PTPRN2: variants seen among roughly 807,000 people sequenced by gnomAD.
PTPRN2 encodes protein tyrosine phosphatase receptor type N2.
PTPRN2 carries 74 observed loss-of-function variants against 118.8 expected under a neutral mutation model. The observed-to-expected ratio is 0.62, with a 90% CI of 0.52 to 0.76. The LOEUF (loss-of-function observed/expected upper bound fraction) is 0.76, where lower values mean the gene tolerates loss of function less well. Among genes scored for constraint, PTPRN2 ranks in the 30% least tolerant of loss-of-function variants. The pLI is 0.00. For synonymous variants in PTPRN2, 641 were observed against 608.0 expected (o/e 1.05, Z -0.80); for missense variants, 1,481 against 1,394.4 (o/e 1.06, Z -0.99).
intron 11 of PTPRN2, among the ~76,000 whole-genome samples, chr7:158,074,137 C>T (rs952085271): frequency 6.6e-6 from 1 of 152,218 alleles, no homozygotes; most frequent in East Asian, 1.9e-4. Flanking sequence ...AACTCAGCGA[C>T]GCCCACAGTG....
At position 157,981,687 on chromosome 7, in the gene PTPRN2, C is replaced by T. The variant is rs76406978; in HGVS notation, c.1724-82950G>A. On this transcript the variant is annotated intron_variant, in intron 11 of 22. Transcript: ENST00000389418. ...CAAAATTTTATTGGCTCATAACCTA[C>T]ATCTATTTCATAAAATAAGGTTTGA... Among the ~76,000 whole-genome samples the T allele has an allele frequency of 5.1e-4, 78 of 152,302 alleles. 1 individual carries two copies. Among genetic ancestry groups the T allele is most frequent in the African/African-American group, 1.8e-3 (75 of 41,558 alleles).
chr7:158,574,114 C>T lies in PTPRN2; in HGVS notation c.112+13444G>A, dbSNP rs1447141932. Reference sequence around the variant, plus strand: ...ACCAGAAAGATTAAAAATCATCGTTCGGACTTTCTCAATTATAGATTTATG... The same window carrying T: ...ACCAGAAAGATTAAAAATCATCGTTTGGACTTTCTCAATTATAGATTTATG... On this transcript the variant is annotated intron_variant, in intron 1 of 22. Transcript: ENST00000389418. The surrounding 1 kb of genome is among the most constrained non-coding windows in gnomAD (Gnocchi z 4.6). Among the ~76,000 whole-genome samples, 2 of 152,142 alleles carry T rather than the reference C, an allele frequency of 1.3e-5. No homozygotes were observed. Among genetic ancestry groups the T allele is most frequent in the African/African-American group, 4.8e-5 (2 of 41,428 alleles).
intron 3 of PTPRN2, among the ~76,000 whole-genome samples, chr7:158,290,843 T>A (rs1037164455): frequency 6.6e-6 from 1 of 152,230 alleles, no homozygotes; most frequent in African/African-American, 2.4e-5. Context: ...AGATAGATGT[T>A]CAAATTGTTG....
At chr7:157,946,852 C>A (rs770837532) in intron 11 of PTPRN2, among the ~76,000 whole-genome samples, 10 of 152,234 alleles carry the variant, frequency 6.6e-5, no homozygotes, top group Non-Finnish European at 1.2e-4. Context: ...CACAAACCAC[C>A]AGTGTGGACG....
At position 157,544,007 on chromosome 7, in the gene PTPRN2, CGGTGGAGAGAGACAGAGAGA is replaced by C. The variant is rs1798137488; in HGVS notation, c.2977-3242_2977-3223del. The stretch of plus-strand genomic sequence containing the variant: ...GAGAGAGGTGGAGAGAGATGGAGAG[CGGTGGAGAGAGACAGAGAGA>C]GGTGGAGAGAGACGGAGAGAGGTGG... On this transcript the variant is annotated intron_variant, in intron 22 of 22. Coordinates refer to ENST00000389418, the MANE Select transcript of PTPRN2 (RefSeq NM_002847.5). 3.7e-5 allele frequency among the ~76,000 whole-genome samples: 5 copies of C among 135,944 alleles called. No individual in the cohort carries two copies. The Admixed American group carries it at 3.8e-4, about 10-fold the overall frequency. 89.2% of individuals were successfully genotyped at this position (135,944 alleles called of 152,430 possible).
At chr7:158,382,656 G>A (rs1373125832) in intron 2 of PTPRN2, among the ~76,000 whole-genome samples, 1 of 152,110 alleles carries the variant, frequency 6.6e-6, no homozygotes, top group African/African-American at 2.4e-5. Context: ...TTTTACAGGA[G>A]TGCAAACCCC....
intron 10 of PTPRN2, among the ~76,000 whole-genome samples, chr7:158,108,505 C>T (rs973398443): frequency 1.3e-5 from 2 of 152,330 alleles, no homozygotes; most frequent in African/African-American, 4.8e-5. Flanking sequence ...CCCCAGCAGC[C>T]CTGGCATGTA....
intron 14 of PTPRN2, among the ~76,000 whole-genome samples, chr7:157,654,506 G>C (rs898085579): frequency 2.0e-5 from 3 of 152,228 alleles, no homozygotes; most frequent in Non-Finnish European, 2.9e-5. Context: ...CTTGGCCTGA[G>C]TGTGTTTCTC....
intron 2 of PTPRN2, among the ~76,000 whole-genome samples, chr7:158,410,137 TAAGAAA>T (rs1387000465): frequency 2.0e-5 from 3 of 152,016 alleles, no homozygotes; most frequent in Non-Finnish European, 4.4e-5. Context: ...TCCCTCCATT[TAAGAAA>T]AAGAAAAACA....
At chr7:158,262,567 ACATT>A (rs1439566646) in intron 3 of PTPRN2, among the ~76,000 whole-genome samples, 1 of 143,654 alleles carries the variant, frequency 7.0e-6, no homozygotes, top group Non-Finnish European at 1.5e-5. Flanking sequence ...CACTACACAC[ACATT>A]CACACACAGC....
Position 157,540,561 on chromosome 7 carries a change from T to C in PTPRN2, c.*153A>G, listed in dbSNP as rs1355098229. ...TTATTATTGTTTGATTAAACAAAAA[T>C]ACACTTTTAACTGCTAAACTGCGCT... On this transcript the variant is annotated 3_prime_UTR_variant, in exon 23 of 23. Coordinates refer to ENST00000389418, the MANE Select transcript of PTPRN2 (RefSeq NM_002847.5). 4 of 501,532 alleles carry C rather than the reference T, an allele frequency of 8.0e-6. No homozygotes were observed. Among genetic ancestry groups the C allele is most frequent in the Non-Finnish European group, 1.4e-5 (4 of 295,828 alleles). 31.1% of individuals were successfully genotyped at this position (501,532 alleles called of 1,614,324 possible). A position where few individuals can be genotyped will look rare whatever the true frequency, so the allele number is the denominator to read the frequency against.
intron 2 of PTPRN2, among the ~76,000 whole-genome samples, chr7:158,379,111 A>G (rs1381933494): frequency 2.6e-5 from 4 of 152,156 alleles, no homozygotes; most frequent in Admixed American, 6.5e-5. Flanking sequence ...CCCTGTGTGC[A>G]TGGAAGGGGT....
rs1219312285 is a variant in PTPRN2 at position 157,813,523 on chromosome 7, A to G, written c.1788+85150T>C. On this transcript the variant is annotated intron_variant, in intron 12 of 22. Coordinates refer to ENST00000389418, the MANE Select transcript of PTPRN2 (RefSeq NM_002847.5). This position sits in a 1 kb window ranked among gnomAD's most constrained non-coding sequence, Gnocchi z 4.7. ...TTTGTTAAACTTTGTTAGTGTACAA[A>G]ATGTGGTGATCCTACTCGTATAAAA... Among the ~76,000 whole-genome samples, 1 of 152,176 alleles carries G rather than the reference A, an allele frequency of 6.6e-6. No individual in the cohort carries two copies. The highest frequency in any genetic ancestry group is 6.5e-5 in the Admixed American group (1 of 15,284).
At chr7:157,891,539 A>T (rs1158979742) in intron 12 of PTPRN2, among the ~76,000 whole-genome samples, 2 of 142,154 alleles carry the variant, frequency 1.4e-5, no homozygotes, top group African/African-American at 2.6e-5. Flanking sequence ...CACATTATTC[A>T]TGGGGTGGAT....
rs951792150 is a variant in PTPRN2 at position 157,587,590 on chromosome 7, T to C, written c.2496+7648A>G. On this transcript the variant is annotated intron_variant, in intron 17 of 22. Coordinates refer to ENST00000389418, the MANE Select transcript of PTPRN2 (RefSeq NM_002847.5). The surrounding 1 kb of genome is among the most constrained non-coding windows in gnomAD (Gnocchi z 5.3). ...CAGAATACTTTTAGAAAGCAGAAAC[T>C]AGAAATTGAAAGTGCACCTTTTTCT... Among the ~76,000 whole-genome samples the C allele has an allele frequency of 6.6e-6, 1 of 152,198 alleles. No homozygotes were observed. The highest frequency in any genetic ancestry group is 6.5e-5 in the Admixed American group (1 of 15,284).
chr7:158,053,914 TGCAGAGACTCC>T (rs1809549752), intron 11 of PTPRN2, among the ~76,000 whole-genome samples: 1 of 134,938 alleles, frequency 7.4e-6, no homozygotes, highest in Non-Finnish European at 1.5e-5. Flanking sequence ...ACCCCAGAGA[TGCAGAGACTCC>T]AGAGACGCAG....
At chr7:158,175,179 G>A (rs777280667) in intron 5 of PTPRN2, among the ~76,000 whole-genome samples, 5 of 152,286 alleles carry the variant, frequency 3.3e-5, no homozygotes, top group Non-Finnish European at 4.4e-5. Flanking sequence ...CATAACACAC[G>A]TTTTCTCCCT....
At chr7:158,180,235 C>G (rs1343070410) in intron 5 of PTPRN2, among the ~76,000 whole-genome samples, 1 of 152,220 alleles carries the variant, frequency 6.6e-6, no homozygotes, top group East Asian at 1.9e-4. Context: ...AACAGGTGTC[C>G]TTTCCCCAGT....
intron 16 of PTPRN2, among the ~76,000 whole-genome samples, chr7:157,597,234 G>A (rs984118239): frequency 2.0e-5 from 3 of 152,194 alleles, no homozygotes; most frequent in Non-Finnish European, 4.4e-5. Flanking sequence ...TTAGTGATTC[G>A]TAATTAAAAC....
Sources: allele counts gnomAD v4.1 joint callset (sites outside exome capture counted in the v4.1 genomes callset), GRCh38; gene constraint gnomAD v4.1.1; non-coding constraint Gnocchi (gnomAD v3.1); transcripts MANE v1.5; gene names NCBI Gene and HGNC (gene_info 2026-07-23, HGNC 2026-07-21).